The following ACAD11 variants were observed in gnomAD, a reference collection of about 807,000 sequenced individuals.
The protein encoded by ACAD11 is acyl-Coenzyme A dehydrogenase family, member 11.
A neutral mutation model predicts 102.2 loss-of-function variants in ACAD11; 83 were observed. The ratio of observed to expected loss-of-function variants is 0.81; its 90% CI spans 0.68 to 0.97. The LOEUF is 0.97. Ranked by LOEUF, ACAD11 falls within the 50% of genes least tolerant of loss-of-function variation. The pLI, the probability that ACAD11 is intolerant of heterozygous loss-of-function variation, is 0.00. For missense variants in ACAD11, 901 were observed against 951.7 expected (o/e 0.95, Z 0.70); for synonymous variants, 324 against 319.8 (o/e 1.01, Z -0.14).
At chr3:132,611,212 T>A (rs1430898494) in intron 11 of ACAD11, among the ~76,000 whole-genome samples, 1 of 152,106 alleles carries the variant, frequency 6.6e-6, no homozygotes, top group African/African-American at 2.4e-5. Flanking sequence ...TAGGTATCAA[T>A]GGGACGTATC....
At chr3:132,579,029 A>G (rs1937562005) in intron 14 of ACAD11, 148 bp from the exon 15 acceptor site, 1 of 1,518,488 alleles carries the variant, frequency 6.6e-7, no homozygotes, top group Non-Finnish European at 8.8e-7. Context: ...AAAGACGTAC[A>G]CCAACATAGT....
At chr3:132,626,856 T>C (rs1368588633) in intron 8 of ACAD11, 39 bp from the exon 9 acceptor site, 21 of 1,583,652 alleles carry the variant, frequency 1.3e-5, no homozygotes, top group Non-Finnish European at 1.8e-5. Flanking sequence ...GTTACAAAGA[T>C]GTCCAAAGAT....
intron 9 of ACAD11, among the ~76,000 whole-genome samples, chr3:132,619,908 C>T (rs1409861698): frequency 6.6e-6 from 1 of 152,090 alleles, no homozygotes; most frequent in Non-Finnish European, 1.5e-5. Flanking sequence ...TGAGAAAATT[C>T]CTTGGAGGCC....
intron 7 of ACAD11, among the ~76,000 whole-genome samples, chr3:132,629,408 C>T (rs1174018161): frequency 1.3e-5 from 2 of 152,212 alleles, no homozygotes; most frequent in African/African-American, 4.8e-5. Flanking sequence ...GATCCACCCA[C>T]CTCGGCCTCC....
chr3:132,577,057 TAA>T, intron 15 of ACAD11, 42 bp from the exon 16 acceptor site: 1 of 1,176,358 alleles, frequency 8.5e-7, no homozygotes, highest in Non-Finnish European at 1.2e-6. Context: ...AGGAGTTGAC[TAA>T]AAAAGAGTCA....
chr3:132,640,952 C>G (rs1940471361), intron 4 of ACAD11, among the ~76,000 whole-genome samples: 1 of 151,946 alleles, frequency 6.6e-6, no homozygotes, highest in African/African-American at 2.4e-5. Context: ...TTTATCTTTC[C>G]TTAAATACTC....
chr3:132,650,846 C>T (rs1028487481), intron 1 of ACAD11, among the ~76,000 whole-genome samples: 27 of 152,092 alleles, frequency 1.8e-4, no homozygotes, highest in African/African-American at 6.5e-4. Flanking sequence ...ACCAGAAGTC[C>T]CAAATTCCCC....
intron 13 of ACAD11, among the ~76,000 whole-genome samples, chr3:132,590,566 C>G (rs1047809810): frequency 2.6e-5 from 4 of 152,134 alleles, no homozygotes; most frequent in African/African-American, 9.7e-5. Flanking sequence ...GTATTTAGCT[C>G]TCTGGGGAAT....
chr3:132,626,337 T>A (rs1313146733), intron 9 of ACAD11, among the ~76,000 whole-genome samples: 1 of 151,968 alleles, frequency 6.6e-6, no homozygotes, highest in South Asian at 2.1e-4. Flanking sequence ...TCTAGGTGTG[T>A]CCATCTTGTA....
chr3:132,658,852 A>T (rs1165212767), intron 1 of ACAD11, among the ~76,000 whole-genome samples: 1 of 152,206 alleles, frequency 6.6e-6, no homozygotes, highest in Non-Finnish European at 1.5e-5. Flanking sequence ...TTCATTAATA[A>T]GACTAATCAA....
At chr3:132,657,034 T>C in intron 1 of ACAD11, among the ~76,000 whole-genome samples, 1 of 152,184 alleles carries the variant, frequency 6.6e-6, no homozygotes, top group East Asian at 1.9e-4. Flanking sequence ...AATTTATCAG[T>C]CATTTCCTTT....
At chr3:132,566,079 T>G (rs1937199631) in intron 17 of ACAD11, among the ~76,000 whole-genome samples, 1 of 151,918 alleles carries the variant, frequency 6.6e-6, no homozygotes, top group South Asian at 2.1e-4. Flanking sequence ...CAAACACAGC[T>G]GAAGCAATTG....
rs371159964 is a variant in ACAD11, at chr3:132,618,790, A to G, written c.1276-18T>C. The G allele has an allele frequency of 7.8e-6, 12 of 1,542,910 alleles. No individual in the cohort carries two copies. Among genetic ancestry groups the G allele is most frequent in the Middle Eastern group, 1.7e-4 (1 of 5,798 alleles). ...GCCATTTCCTGTCAAGGTGATGAAC[A>G]TGCCAGAGTGACCATAATTTACCAG... On this transcript the variant is annotated intron_variant, in intron 10 of 19. Transcript: ENST00000264990.
At chr3:132,567,957 G>A (rs1261723163) in intron 17 of ACAD11, among the ~76,000 whole-genome samples, 1 of 151,452 alleles carries the variant, frequency 6.6e-6, no homozygotes, top group Non-Finnish European at 1.5e-5. Flanking sequence ...GATTATCTAT[G>A]TAAAATCCCA....
rs542111633 is a variant in ACAD11 at position 132,601,779 on chromosome 3, A to G, written c.1621+1450T>C. 7.4e-6 allele frequency: 3 copies of G among 403,458 alleles called. No individual in the cohort carries two copies. The East Asian group carries it at 1.8e-4, about 25-fold the overall frequency. 25.0% of individuals were successfully genotyped at this position (403,458 alleles called of 1,614,324 possible). On this transcript the variant is annotated intron_variant, in intron 13 of 19. Transcript: ENST00000264990. Reference sequence around the variant, plus strand: ...GCTTATACAAATCTACACAAGTGATAAAATGACACAGAACTATATACACAC... The same window carrying G: ...GCTTATACAAATCTACACAAGTGATGAAATGACACAGAACTATATACACAC...
At chr3:132,591,670 G>A (rs1460662093) in intron 13 of ACAD11, among the ~76,000 whole-genome samples, 2 of 152,022 alleles carry the variant, frequency 1.3e-5, no homozygotes, top group African/African-American at 2.4e-5. Context: ...TGGCAGGATC[G>A]CTTGAGCTCA....
intron 1 of ACAD11, chr3:132,650,519 GGCT>G (rs1290652195): frequency 2.0e-5 from 3 of 151,982 alleles, no homozygotes; most frequent in Admixed American, 6.6e-5. Context: ...ATCATACTTG[GGCT>G]GCTATTTCAT....
At chr3:132,640,849 C>T (rs1161003369) in intron 4 of ACAD11, among the ~76,000 whole-genome samples, 2 of 151,992 alleles carry the variant, frequency 1.3e-5, no homozygotes, top group African/African-American at 4.8e-5. Flanking sequence ...CTTCCTTAAC[C>T]CCCACAAAAT....
At position 132,659,762 on chromosome 3, in the gene ACAD11, G is replaced by A; in HGVS notation, c.-11C>T. The stretch of plus-strand genomic sequence containing the variant: ...AGCACCTGGCTTCATGATCACCCCC[G>A]CAGGCCACAGCAACGCGGCATCCAC... On this transcript the variant is annotated 5_prime_UTR_variant, in exon 1 of 20. Transcript: ENST00000264990. The A allele has an allele frequency of 1.3e-6, 2 of 1,577,832 alleles. No individual in the cohort carries two copies. Among genetic ancestry groups the A allele is most frequent in the Non-Finnish European group, 1.7e-6 (2 of 1,161,446 alleles).
Sources: gnomAD v4.1 joint callset for allele counts (sites outside exome capture counted in the v4.1 genomes callset) on GRCh38, gnomAD v4.1.1 for gene constraint, MANE v1.5 for transcripts, NCBI Gene and HGNC (gene_info 2026-07-23, HGNC 2026-07-21) for gene names.